Variants in NR2F1-AS1 observed in about 807,000 individuals in gnomAD.
The protein encoded by NR2F1-AS1 is NR2F1 antisense RNA 1.
intron 4 of NR2F1-AS1, among the ~76,000 whole-genome samples, chr5:93,495,712 T>C (rs937813500): frequency 7.9e-5 from 12 of 152,044 alleles, no homozygotes; most frequent in African/African-American, 2.4e-4. Flanking sequence ...ACTATTTATA[T>C]ATACAAACAT....
chr5:93,475,809 A>C (rs1240403170), intron 4 of NR2F1-AS1, among the ~76,000 whole-genome samples: 1 of 151,984 alleles, frequency 6.6e-6, no homozygotes, highest in Non-Finnish European at 1.5e-5. Flanking sequence ...TACAGCCTTG[A>C]CCCCCCACGT....
intron 4 of NR2F1-AS1, among the ~76,000 whole-genome samples, chr5:93,478,411 TTTTG>T (rs1389745173): frequency 2.6e-5 from 4 of 152,144 alleles, no homozygotes; most frequent in Admixed American, 6.5e-5. Flanking sequence ...TTTGTTTGTT[TTTTG>T]TTTGTTTTGA....
chr5:93,559,215 T>C (rs981698163), intron 2 of NR2F1-AS1, among the ~76,000 whole-genome samples: 2 of 152,266 alleles, frequency 1.3e-5, no homozygotes, highest in Admixed American at 6.5e-5. Flanking sequence ...CAACACTTGC[T>C]GTATACTTAC....
intron 4 of NR2F1-AS1, among the ~76,000 whole-genome samples, chr5:93,492,188 G>A (rs1193808066): frequency 1.3e-5 from 2 of 152,066 alleles, no homozygotes; most frequent in African/African-American, 4.8e-5. Context: ...CAACAAATTA[G>A]GTAATCTAGA....
chr5:93,451,933 T>C (rs1478014834), intron 4 of NR2F1-AS1, among the ~76,000 whole-genome samples: 1 of 152,202 alleles, frequency 6.6e-6, no homozygotes, highest in Admixed American at 6.6e-5. Flanking sequence ...CGGACATGTA[T>C]TTACATAATT....
At chr5:93,421,366 TA>T (rs34159028) in intron 4 of NR2F1-AS1, among the ~76,000 whole-genome samples, 7,682 of 141,158 alleles carry the variant, frequency 0.054, 504 homozygotes, top group African/African-American at 0.17. Context: ...TCTTTTGAGT[TA>T]AAAAAAAAAA....
intron 4 of NR2F1-AS1, among the ~76,000 whole-genome samples, chr5:93,501,524 T>G: frequency 6.6e-6 from 1 of 151,932 alleles, no homozygotes; most frequent in African/African-American, 2.4e-5. Context: ...CAGCTAATTT[T>G]TGTATTTTTA....
At chr5:93,463,252 A>G (rs1750140106) in intron 4 of NR2F1-AS1, among the ~76,000 whole-genome samples, 2 of 152,228 alleles carry the variant, frequency 1.3e-5, no homozygotes, top group African/African-American at 4.8e-5. Context: ...AGCTCAGGCC[A>G]TGGCTTCAGA....
intron 2 of NR2F1-AS1, among the ~76,000 whole-genome samples, chr5:93,562,076 T>C (rs935954368): frequency 1.4e-5 from 2 of 147,362 alleles, no homozygotes; most frequent in Admixed American, 6.7e-5. Flanking sequence ...GGCTGGGTGT[T>C]ATAGCTCACA....
intron 4 of NR2F1-AS1, among the ~76,000 whole-genome samples, chr5:93,472,633 T>C (rs571385328): frequency 7.9e-5 from 12 of 151,746 alleles, no homozygotes; most frequent in Non-Finnish European, 1.3e-4. Context: ...GGGTTGTTTT[T>C]GGGGGTGAAG....
intron 4 of NR2F1-AS1, among the ~76,000 whole-genome samples, chr5:93,497,287 C>T (rs1014293077): frequency 4.6e-5 from 7 of 152,130 alleles, no homozygotes; most frequent in Admixed American, 6.6e-5. Flanking sequence ...GGAGATATTA[C>T]GCTGTGTTTG....
intron 4 of NR2F1-AS1, among the ~76,000 whole-genome samples, chr5:93,516,418 T>C (rs1425557099): frequency 6.6e-6 from 1 of 151,850 alleles, no homozygotes; most frequent in Non-Finnish European, 1.5e-5. Context: ...AAAGAAATAA[T>C]AATAAATAAC....
At chr5:93,561,281 C>A (rs1752482133) in intron 2 of NR2F1-AS1, among the ~76,000 whole-genome samples, 1 of 152,078 alleles carries the variant, frequency 6.6e-6, no homozygotes, top group Non-Finnish European at 1.5e-5. Flanking sequence ...AAAAAGCTAT[C>A]TGCACTGGTC....
chr5:93,567,678 G>T (rs986247562), intron 1 of NR2F1-AS1, among the ~76,000 whole-genome samples: 14 of 152,096 alleles, frequency 9.2e-5, no homozygotes, highest in Non-Finnish European at 1.6e-4. Flanking sequence ...GAGCCCTGGG[G>T]GATATCACAG....
chr5:93,543,497 C>T (rs1752003785), intron 4 of NR2F1-AS1: 1 of 151,722 alleles, frequency 6.6e-6, no homozygotes, highest in African/African-American at 2.4e-5. Flanking sequence ...TGCAGCAGAT[C>T]AGACCCAGAA....
At chr5:93,495,399 T>C (rs1433812079) in intron 4 of NR2F1-AS1, among the ~76,000 whole-genome samples, 1 of 152,132 alleles carries the variant, frequency 6.6e-6, no homozygotes, top group Non-Finnish European at 1.5e-5. Context: ...TAAATTACAA[T>C]TCTTTTACTG....
intron 1 of NR2F1-AS1, among the ~76,000 whole-genome samples, chr5:93,578,010 C>T (rs988307603): frequency 3.3e-5 from 5 of 152,020 alleles, no homozygotes; most frequent in Non-Finnish European, 7.4e-5. Flanking sequence ...GTGTGACTTA[C>T]CAAAAAGCTA....
At chr5:93,484,215 C>A (rs1750666595) in intron 4 of NR2F1-AS1, among the ~76,000 whole-genome samples, 1 of 152,142 alleles carries the variant, frequency 6.6e-6, no homozygotes, top group Non-Finnish European at 1.5e-5. Context: ...GATCGGGTTA[C>A]CCACAAAGGG....
At chr5:93,535,643 A>T (rs1025666603) in intron 4 of NR2F1-AS1, among the ~76,000 whole-genome samples, 3 of 152,154 alleles carry the variant, frequency 2.0e-5, no homozygotes, top group African/African-American at 7.2e-5. Flanking sequence ...AGCACATTAA[A>T]AAGATCATTC....
Sources: allele counts gnomAD v4.1 joint callset (sites outside exome capture counted in the v4.1 genomes callset), GRCh38; gene constraint gnomAD v4.1.1; transcripts MANE v1.5; gene names NCBI Gene and HGNC (gene_info 2026-07-23, HGNC 2026-07-21).